Variants in CMPK1 observed in about 807,000 individuals in gnomAD.
CMPK1 encodes the protein cytidine/uridine monophosphate kinase 1, also known as UMP-CMP kinase.
Under a neutral mutation model 25.7 loss-of-function variants are expected in CMPK1, and 10 were observed. That is an observed-to-expected ratio of 0.39 (90% CI 0.24 to 0.66). CMPK1 has a LOEUF of 0.66. CMPK1 is among the 30% of genes least tolerant of loss of function. CMPK1 has a pLI of 0.48. For synonymous variants in CMPK1, 106 were observed against 101.5 expected, an observed-to-expected ratio of 1.04 and a Z score of -0.27; for missense variants, 199 against 280.5, an observed-to-expected ratio of 0.71 and a Z score of 2.08.
intron 1 of CMPK1, among the ~76,000 whole-genome samples, chr1:47,361,558 A>G (rs1333512546): frequency 6.6e-6 from 1 of 152,234 alleles, no homozygotes; most frequent in Non-Finnish European, 1.5e-5. Context: ...TCCTCTGTCC[A>G]ATCACAGTTA....
intron 1 of CMPK1, among the ~76,000 whole-genome samples, chr1:47,342,329 G>A (rs1479932872): frequency 6.6e-6 from 1 of 151,910 alleles, no homozygotes; most frequent in African/African-American, 2.4e-5. Flanking sequence ...TGATCTGCCC[G>A]CCTCGGCCTC....
At chr1:47,372,890 T>A in intron 2 of CMPK1, 65 bp from the exon 3 acceptor site, 1 of 1,361,856 alleles carries the variant, frequency 7.3e-7, no homozygotes, top group Admixed American at 2.1e-5. Context: ...ATGTATACAC[T>A]ACCATGCTTG....
At chr1:47,363,370 G>A (rs1411731672) in intron 1 of CMPK1, among the ~76,000 whole-genome samples, 1 of 152,188 alleles carries the variant, frequency 6.6e-6, no homozygotes, top group East Asian at 1.9e-4. Flanking sequence ...CCTCAGGCCT[G>A]TAATCCCAGC....
chr1:47,335,162 A>T (rs1646387139), intron 1 of CMPK1, among the ~76,000 whole-genome samples: 1 of 152,110 alleles, frequency 6.6e-6, no homozygotes, highest in Admixed American at 6.6e-5. Flanking sequence ...AGTTTTTTTG[A>T]CCTAGAACTT....
At chr1:47,350,584 C>T (rs969337810) in intron 1 of CMPK1, among the ~76,000 whole-genome samples, 8 of 151,912 alleles carry the variant, frequency 5.3e-5, no homozygotes, top group African/African-American at 7.3e-5. Flanking sequence ...GTAGAGTGTG[C>T]GTACATTATA....
chr1:47,363,444 A>G (rs956156675), intron 1 of CMPK1, among the ~76,000 whole-genome samples: 4 of 152,186 alleles, frequency 2.6e-5, no homozygotes, highest in Middle Eastern at 3.4e-3. Flanking sequence ...CCTGACCAAC[A>G]TGGTGAAACT....
chr1:47,363,647 TAAACAAAC>T, intron 1 of CMPK1, among the ~76,000 whole-genome samples: 1 of 146,932 alleles, frequency 6.8e-6, no homozygotes, highest in Non-Finnish European at 1.5e-5. Flanking sequence ...CAAAAACAAA[TAAACAAAC>T]AAACAAAAAA....
rs779043267 is a variant in CMPK1 at position 47,377,478 on chromosome 1, A to G, written c.*733A>G. 4 of 152,194 alleles carry G rather than the reference A, an allele frequency of 2.6e-5. No homozygotes were observed. Among genetic ancestry groups the G allele is most frequent in the Admixed American group, 6.5e-5 (1 of 15,268 alleles). 9.4% of individuals were successfully genotyped at this position (152,194 alleles called of 1,614,324 possible). ...GCTTGTGTTCCTTATACTCTATTAT[A>G]TAGTGTTATTCATGATTCAGCTGAT... On this transcript the variant is annotated 3_prime_UTR_variant, in exon 6 of 6. Transcript: ENST00000371873.
At chr1:47,337,799 G>A (rs1646410150) in intron 1 of CMPK1, among the ~76,000 whole-genome samples, 1 of 152,020 alleles carries the variant, frequency 6.6e-6, no homozygotes, top group African/African-American at 2.4e-5. Flanking sequence ...TTTTAGTAGA[G>A]ACGGGGTTTC....
intron 1 of CMPK1, among the ~76,000 whole-genome samples, chr1:47,340,949 T>C (rs1358946942): frequency 1.3e-5 from 2 of 152,188 alleles, no homozygotes; most frequent in Non-Finnish European, 2.9e-5. Context: ...TTTTTTCTTT[T>C]TTAAGAAAGT....
Position 47,339,701 on chromosome 1 carries a change from CTTTTT to C in CMPK1, c.171+5605_171+5609del, listed in dbSNP as rs71053104. Among the ~76,000 whole-genome samples, 13 of 109,948 alleles carry C rather than the reference CTTTTT, an allele frequency of 1.2e-4. No individual in the cohort carries two copies. In the East Asian group the frequency reaches 3.4e-3, roughly 28 times the overall value. The allele number at this position is 109,948 out of a possible 152,430, so 72.1% of individuals were successfully genotyped here. A position where few individuals can be genotyped will look rare whatever the true frequency, so the allele number is the denominator to read the frequency against. On this transcript the variant is annotated intron_variant, in intron 1 of 5. Coordinates refer to ENST00000371873, the MANE Select transcript of CMPK1 (RefSeq NM_016308.3). ...TGATTTCTTTTTCTTTCTTCCTTTC[CTTTTT>C]TTTTTTTTTTTTTTTTTTTAAGACA...
At chr1:47,353,025 T>A (rs558516630) in intron 1 of CMPK1, among the ~76,000 whole-genome samples, 2 of 152,342 alleles carry the variant, frequency 1.3e-5, no homozygotes, top group South Asian at 4.1e-4. Context: ...GGAGTAACAA[T>A]GAAGGTGATT....
chr1:47,366,489 A>G (rs1016625142), intron 1 of CMPK1, among the ~76,000 whole-genome samples: 2 of 152,208 alleles, frequency 1.3e-5, no homozygotes, highest in African/African-American at 4.8e-5. Flanking sequence ...TATGTAAGTG[A>G]TAGTTGCTTT....
intron 2 of CMPK1, among the ~76,000 whole-genome samples, chr1:47,370,076 G>A (rs1172393045): frequency 1.3e-5 from 2 of 151,242 alleles, no homozygotes; most frequent in Admixed American, 1.3e-4. Flanking sequence ...CATCAAGCCT[G>A]GATAATTTTT....
chr1:47,333,949 C>G lies in CMPK1; in HGVS notation c.4C>G (p.Leu2Val), dbSNP rs1203158052. 6.8e-7 allele frequency: 1 copy of G among 1,473,216 alleles called. No individual in the cohort carries two copies. Among genetic ancestry groups the G allele is most frequent in the Non-Finnish European group, 9.1e-7 (1 of 1,103,420 alleles). The allele number at this position is 1,473,216 out of a possible 1,614,324, so 91.3% of individuals were successfully genotyped here. A position where few individuals can be genotyped will look rare whatever the true frequency, so the allele number is the denominator to read the frequency against. ...GCGTCCGGCCGAGGCGCGGTGTATG[C>G]TGAGCCGCTGCCGCAGCGGGCTGCT... M[L>V]SRCRSGLLHV... The change falls in exon 1 of 6, where the codon CTG (leucine) becomes GTG (valine). Residue 2 changes from leucine to valine, a missense_variant. Physicochemically the swap from Leu to Val is conservative, Grantham distance 32 (BLOSUM62 1). Coordinates refer to ENST00000371873, the MANE Select transcript of CMPK1 (RefSeq NM_016308.3).
intron 1 of CMPK1, among the ~76,000 whole-genome samples, chr1:47,352,599 A>G (rs148125672): frequency 1.3e-3 from 203 of 152,300 alleles, no homozygotes; most frequent in Middle Eastern, 6.8e-3. Context: ...TAATTAAATC[A>G]GATTAGTGGG....
chr1:47,372,460 A>G (rs943642553), intron 2 of CMPK1, among the ~76,000 whole-genome samples: 1 of 152,232 alleles, frequency 6.6e-6, no homozygotes, highest in African/African-American at 2.4e-5. Flanking sequence ...TTATATGAAT[A>G]GCAGAGTTGA....
intron 1 of CMPK1, among the ~76,000 whole-genome samples, chr1:47,365,535 G>A (rs1646633439): frequency 6.7e-6 from 1 of 150,192 alleles, no homozygotes; most frequent in African/African-American, 2.4e-5. Context: ...TCGGGAGGCT[G>A]AGGTGGGAGA....
At chr1:47,349,162 A>C (rs1461131220) in intron 1 of CMPK1, among the ~76,000 whole-genome samples, 1 of 152,208 alleles carries the variant, frequency 6.6e-6, no homozygotes, top group African/African-American at 2.4e-5. Context: ...AGGACATAAC[A>C]AAATGATCAA....
Sources: allele counts gnomAD v4.1 joint callset (sites outside exome capture counted in the v4.1 genomes callset), GRCh38; gene constraint gnomAD v4.1.1; transcripts MANE v1.5; gene names NCBI Gene and HGNC (gene_info 2026-07-23, HGNC 2026-07-21).